Variants in CHODL observed in about 807,000 individuals in gnomAD.
CHODL encodes transmembrane protein MT75.
Under a neutral mutation model 34.5 loss-of-function variants are expected in CHODL, and 29 were observed. That is an observed-to-expected ratio of 0.84 (90% CI 0.63 to 1.15). The LOEUF is 1.15. Ranked by LOEUF, CHODL falls within the 50% of genes most tolerant of loss-of-function variation. CHODL has a pLI of 0.00. For missense variants in CHODL, 332 were observed against 332.5 expected, an observed-to-expected ratio of 1.00 and a Z score of 0.01; for synonymous variants, 125 against 116.1, an observed-to-expected ratio of 1.08 and a Z score of -0.49.
chr21:18,203,129 T>G (rs1305464428), intron 2 of CHODL, among the ~76,000 whole-genome samples: 1 of 152,206 alleles, frequency 6.6e-6, no homozygotes. Context: ...TCACTTACAT[T>G]ATTTAGTGTT....
At chr21:18,037,016 G>T (rs2064319459) in intron 2 of CHODL, among the ~76,000 whole-genome samples, 1 of 151,928 alleles carries the variant, frequency 6.6e-6, no homozygotes, top group Non-Finnish European at 1.5e-5. Context: ...TATCTAGAAG[G>T]TTAGTATGCC....
intron 2 of CHODL, among the ~76,000 whole-genome samples, chr21:18,062,797 G>A (rs950406111): frequency 6.6e-6 from 1 of 151,928 alleles, no homozygotes; most frequent in African/African-American, 2.4e-5. Flanking sequence ...TTACAGACAT[G>A]AGCCACCACA....
chr21:18,039,898 A>G (rs1162642730), intron 2 of CHODL, among the ~76,000 whole-genome samples: 1 of 151,816 alleles, frequency 6.6e-6, no homozygotes, highest in Admixed American at 6.6e-5. Flanking sequence ...GGAATTTGAC[A>G]TTTATATAGA....
At chr21:17,973,939 A>C (rs999718968) in intron 1 of CHODL, among the ~76,000 whole-genome samples, 1 of 152,120 alleles carries the variant, frequency 6.6e-6, no homozygotes, top group South Asian at 2.1e-4. Flanking sequence ...AAATAAATGT[A>C]TGTACTGGGG....
intron 1 of CHODL, among the ~76,000 whole-genome samples, chr21:17,931,988 A>G (rs76691073): frequency 6.6e-6 from 1 of 152,222 alleles, no homozygotes; most frequent in Admixed American, 6.5e-5. Flanking sequence ...TCTGCCAGCA[A>G]AAGAAGTAAT....
chr21:18,257,228 G>A (rs2074329027), intron 3 of CHODL, 101 bp downstream of exon 3: 5 of 1,099,372 alleles, frequency 4.5e-6, no homozygotes, highest in African/African-American at 1.6e-5. Flanking sequence ...TTGTTTTTCT[G>A]CTGTGAAATA....
At chr21:18,258,687 T>G (rs1377269115) in intron 3 of CHODL, among the ~76,000 whole-genome samples, 1 of 151,960 alleles carries the variant, frequency 6.6e-6, no homozygotes, top group South Asian at 2.1e-4. Flanking sequence ...TTTTATGTAG[T>G]TTTTGTTTTG....
intron 1 of CHODL, among the ~76,000 whole-genome samples, chr21:17,984,564 T>G (rs1167191205): frequency 6.6e-6 from 1 of 152,172 alleles, no homozygotes; most frequent in African/African-American, 2.4e-5. Context: ...TGACTTTTTT[T>G]AATTAAAATA....
chr21:18,062,685 G>A (rs568447424), intron 2 of CHODL, among the ~76,000 whole-genome samples: 3 of 152,120 alleles, frequency 2.0e-5, no homozygotes, highest in Non-Finnish European at 4.4e-5. Flanking sequence ...AGAATTGCTT[G>A]AACCCAGGAG....
At chr21:18,135,683 T>C (rs2072713767) in intron 2 of CHODL, among the ~76,000 whole-genome samples, 1 of 152,222 alleles carries the variant, frequency 6.6e-6, no homozygotes, top group African/African-American at 2.4e-5. Context: ...GGGGTATCTC[T>C]CACTGACAAA....
chr21:18,234,142 T>C (rs68190626), intron 2 of CHODL, among the ~76,000 whole-genome samples: 51,706 of 152,044 alleles, frequency 0.34, 11,603 homozygotes, highest in African/African-American at 0.65. Context: ...AAATACTACT[T>C]GGCGTGAAAA....
intron 2 of CHODL, among the ~76,000 whole-genome samples, chr21:18,040,999 T>C (rs1488869820): frequency 6.6e-6 from 1 of 151,974 alleles, no homozygotes; most frequent in African/African-American, 2.4e-5. Flanking sequence ...TCTTGTCATA[T>C]GATTTGAGTT....
At chr21:18,133,498 G>A (rs2072682845) in intron 2 of CHODL, among the ~76,000 whole-genome samples, 1 of 152,104 alleles carries the variant, frequency 6.6e-6, no homozygotes, top group South Asian at 2.1e-4. Flanking sequence ...ATTTGCATGG[G>A]TTTCATGCAT....
intron 1 of CHODL, among the ~76,000 whole-genome samples, chr21:17,977,602 C>T (rs890979902): frequency 2.8e-5 from 4 of 144,636 alleles, no homozygotes; most frequent in Non-Finnish European, 6.0e-5. Flanking sequence ...CCTCGTGATT[C>T]ACCTGCCTCG....
chr21:18,108,192 G>A (rs1317974532), intron 2 of CHODL, among the ~76,000 whole-genome samples: 1 of 151,026 alleles, frequency 6.6e-6, no homozygotes, highest in Non-Finnish European at 1.5e-5. Context: ...TTAGCTCTTG[G>A]CCTTTGGGAA....
At chr21:17,966,403 G>GTTCTATC (rs1292557770) in intron 1 of CHODL, among the ~76,000 whole-genome samples, 1 of 152,168 alleles carries the variant, frequency 6.6e-6, no homozygotes, top group African/African-American at 2.4e-5. Context: ...CAAGAAATGG[G>GTTCTATC]TTGTGAAAGA....
At chr21:18,086,387 T>G (rs2065007827) in intron 2 of CHODL, among the ~76,000 whole-genome samples, 1 of 152,190 alleles carries the variant, frequency 6.6e-6, no homozygotes, top group African/African-American at 2.4e-5. Context: ...TGTTGCTAAA[T>G]AATCATTGTA....
At chr21:18,169,680 G>A (rs1051083144) in intron 2 of CHODL, among the ~76,000 whole-genome samples, 14 of 151,658 alleles carry the variant, frequency 9.2e-5, no homozygotes, top group Admixed American at 1.3e-4. Context: ...TTTTTTAAAC[G>A]GATAAGTTTA....
intron 4 of CHODL, 82 bp from the exon 5 acceptor site, chr21:18,262,709 T>A: frequency 1.3e-6 from 1 of 799,182 alleles, no homozygotes; most frequent in Non-Finnish European, 2.1e-6. Flanking sequence ...TTCACCTGAA[T>A]TTTTTGAAAC....
Sources: gnomAD v4.1 joint callset for allele counts (sites outside exome capture counted in the v4.1 genomes callset) on GRCh38, gnomAD v4.1.1 for gene constraint, MANE v1.5 for transcripts, NCBI Gene and HGNC (gene_info 2026-07-23, HGNC 2026-07-21) for gene names.